CDH7: variants seen among roughly 807,000 people sequenced by gnomAD.
The protein encoded by CDH7 is cadherin 7.
Under a neutral mutation model 71.8 loss-of-function variants are expected in CDH7, and 25 were observed. The observed-to-expected ratio is 0.35, with a 90% CI of 0.25 to 0.49. The LOEUF is 0.49. Among genes scored for constraint, CDH7 ranks in the 20% least tolerant of loss-of-function variants. The pLI, the probability that CDH7 is intolerant of heterozygous loss-of-function variation, is 0.99. For missense variants in CDH7, 862 were observed against 974.6 expected (o/e 0.88, Z 1.54); for synonymous variants, 381 against 363.8 (o/e 1.05, Z -0.54).
At chr18:65,753,568 G>A (rs1915946055) in intron 1 of CDH7, among the ~76,000 whole-genome samples, 1 of 152,178 alleles carries the variant, frequency 6.6e-6, no homozygotes, top group Non-Finnish European at 1.5e-5. Context: ...ATTGCAAAGG[G>A]TTTGAGATGG....
At chr18:65,864,310 A>C (rs922300921) in intron 11 of CDH7, among the ~76,000 whole-genome samples, 2 of 152,062 alleles carry the variant, frequency 1.3e-5, no homozygotes, top group African/African-American at 4.8e-5. Flanking sequence ...GCAGCTGAAG[A>C]TGGCTTTGAA....
chr18:65,855,762 T>C (rs185511756), intron 7 of CDH7, among the ~76,000 whole-genome samples: 9 of 152,262 alleles, frequency 5.9e-5, no homozygotes, highest in Admixed American at 3.3e-4. Flanking sequence ...GCCTTATTCT[T>C]ACTACCAAAA....
chr18:65,809,672 G>A, intron 2 of CDH7, 32 bp from the exon 3 acceptor site: 1 of 1,578,232 alleles, frequency 6.3e-7, no homozygotes, highest in Non-Finnish European at 8.7e-7. Flanking sequence ...TCTCTTGTAA[G>A]TTAATCTCAT....
At chr18:65,830,912 C>T (rs1275532344) in intron 6 of CDH7, among the ~76,000 whole-genome samples, 2 of 151,674 alleles carry the variant, frequency 1.3e-5, no homozygotes, top group Non-Finnish European at 2.9e-5. Context: ...ATTTTTATGT[C>T]CCCCACACCT....
At chr18:65,822,329 TC>T in intron 5 of CDH7, 81 bp downstream of exon 5, 1 of 1,088,598 alleles carries the variant, frequency 9.2e-7, no homozygotes, top group East Asian at 2.5e-5. Flanking sequence ...TGACTTTTTT[TC>T]AAATACTTCT....
intron 7 of CDH7, among the ~76,000 whole-genome samples, chr18:65,853,158 T>A (rs145727722): frequency 6.6e-6 from 1 of 152,174 alleles, no homozygotes; most frequent in Non-Finnish European, 1.5e-5. Context: ...TATTTTAGGC[T>A]GTAATTTGCA....
Position 65,809,869 on chromosome 18 carries a change from G to T in CDH7, c.376G>T (p.Asp126Tyr). The T allele has an allele frequency of 6.2e-7, 1 of 1,613,984 alleles. No individual in the cohort carries two copies. Residue 126 changes from aspartate (D) to tyrosine (Y), a missense_variant, in exon 3 of 12, where the codon GAT (aspartate) becomes TAT (tyrosine). Physicochemically the swap from Asp to Tyr is radical, Grantham distance 160. Coordinates refer to ENST00000397968, the MANE Select transcript of CDH7 (RefSeq NM_004361.5). ...CTACACGCTCCGAGCTCAAGCGCTG[G>T]ATAGGCTCACCAACAAACCCGTGGA... Reference protein sequence around the residue: ...AYYTLRAQALDRLTNKPVEPE... With the variant: ...AYYTLRAQALYRLTNKPVEPE...
intron 11 of CDH7, among the ~76,000 whole-genome samples, chr18:65,864,840 G>A (rs1000058661): frequency 2.5e-3 from 366 of 144,272 alleles, no homozygotes; most frequent in African/African-American, 7.4e-3. Context: ...GCAGTGAGCC[G>A]AGATCATGCC....
chr18:65,864,950 A>T (rs2144043370), intron 11 of CDH7, among the ~76,000 whole-genome samples: 1 of 151,762 alleles, frequency 6.6e-6, no homozygotes, highest in South Asian at 2.1e-4. Flanking sequence ...GCTTGAAGGC[A>T]CAGAATGAGA....
chr18:65,774,604 T>A (rs960907180), intron 2 of CDH7, among the ~76,000 whole-genome samples: 19 of 151,752 alleles, frequency 1.3e-4, no homozygotes, highest in African/African-American at 4.4e-4. Context: ...CTGTTGTACC[T>A]GAGTCAGCAC....
intron 2 of CDH7, among the ~76,000 whole-genome samples, chr18:65,781,025 A>G (rs1598999234): frequency 6.8e-6 from 1 of 147,236 alleles, no homozygotes; most frequent in South Asian, 2.1e-4. Context: ...TGAGTCGCAT[A>G]TGTTCTTCAT....
chr18:65,774,843 A>G (rs1487512242), intron 2 of CDH7, among the ~76,000 whole-genome samples: 1 of 152,144 alleles, frequency 6.6e-6, no homozygotes, highest in Non-Finnish European at 1.5e-5. Flanking sequence ...AAAATCTTCC[A>G]TAAAGCAAGC....
chr18:65,876,071 C>T (rs556598291), intron 11 of CDH7, among the ~76,000 whole-genome samples: 6 of 152,242 alleles, frequency 3.9e-5, no homozygotes, highest in Non-Finnish European at 5.9e-5. Flanking sequence ...TATTTCTCTG[C>T]GCCTGTGCAT....
chr18:65,779,070 G>GT (rs1343754019), intron 2 of CDH7, among the ~76,000 whole-genome samples: 2 of 110,370 alleles, frequency 1.8e-5, no homozygotes, highest in African/African-American at 4.4e-5. Flanking sequence ...TCAAATCACT[G>GT]TTTGTTTGTT....
intron 3 of CDH7, 69 bp from the exon 4 acceptor site, chr18:65,814,416 A>G (rs1273028055): frequency 6.4e-7 from 1 of 1,557,166 alleles, no homozygotes; most frequent in East Asian, 2.2e-5. Flanking sequence ...AATCAGTAAC[A>G]TTTTGTACGT....
intron 2 of CDH7, among the ~76,000 whole-genome samples, chr18:65,798,199 C>A (rs1910984847): frequency 6.6e-6 from 1 of 151,790 alleles, no homozygotes; most frequent in Non-Finnish European, 1.5e-5. Context: ...TGTGAAGTTT[C>A]CATAAATCAA....
At chr18:65,862,106 T>A (rs932507767) in intron 10 of CDH7, among the ~76,000 whole-genome samples, 1 of 152,060 alleles carries the variant, frequency 6.6e-6, no homozygotes, top group South Asian at 2.1e-4. Flanking sequence ...TTTATACACA[T>A]AGAGTAGCTA....
chr18:65,880,718 G>T lies in CDH7; in HGVS notation c.2182G>T (p.Asp728Tyr). The change falls in exon 12 of 12, where the codon GAC (aspartate) becomes TAC (tyrosine). Residue 728 changes from aspartate (D) to tyrosine (Y), a missense_variant. Physicochemically the swap from Asp to Tyr is radical, Grantham distance 160. Transcript: ENST00000397968. ...ADVDPGAPPY[D>Y]SLQTYAFEGN... ...TGTTGATCCTGGTGCTCCTCCTTATGACTCCCTGCAGACATATGCTTTTGA... is the reference window on the plus strand; with the variant it reads ...TGTTGATCCTGGTGCTCCTCCTTATTACTCCCTGCAGACATATGCTTTTGA... The T allele has an allele frequency of 6.2e-7, 1 of 1,614,110 alleles. No homozygotes were observed. The highest frequency in any genetic ancestry group is 8.5e-7 in the Non-Finnish European group (1 of 1,179,976).
chr18:65,851,595 C>T lies in CDH7; in HGVS notation c.1236-6221C>T, dbSNP rs901059725. 9.2e-5 allele frequency among the ~76,000 whole-genome samples: 14 copies of T among 152,304 alleles called. No individual in the cohort carries two copies. In the South Asian group the frequency reaches 2.7e-3, roughly 29 times the overall value. Reference sequence around the variant, plus strand: ...ATTCATTAAGGAATTCATTTTGTAACAGATGTTCAGAACACTGAAGACACA... The same window carrying T: ...ATTCATTAAGGAATTCATTTTGTAATAGATGTTCAGAACACTGAAGACACA... On this transcript the variant is annotated intron_variant, in intron 7 of 11. Coordinates refer to ENST00000397968, the MANE Select transcript of CDH7 (RefSeq NM_004361.5).
Sources: gnomAD v4.1 joint callset for allele counts (sites outside exome capture counted in the v4.1 genomes callset) on GRCh38, gnomAD v4.1.1 for gene constraint, MANE v1.5 for transcripts, NCBI Gene and HGNC (gene_info 2026-07-23, HGNC 2026-07-21) for gene names.